Variants in IGFBP2 observed in about 807,000 individuals in gnomAD.
IGFBP2 encodes the protein insulin-like growth factor-binding protein 2.
IGFBP2 carries 12 observed loss-of-function variants against 26.2 expected under a neutral mutation model. That is an observed-to-expected ratio of 0.46 (90% CI 0.29 to 0.74). The LOEUF (loss-of-function observed/expected upper bound fraction) is 0.74, where lower values mean the gene tolerates loss of function less well. Ranked by LOEUF, IGFBP2 falls within the 30% of genes least tolerant of loss-of-function variation. IGFBP2 has a pLI of 0.09. For missense variants in IGFBP2, 328 were observed against 441.2 expected (o/e 0.74, Z 2.30); for synonymous variants, 189 against 200.6 (o/e 0.94, Z 0.49).
chr2:216,643,053 A>G (rs1268755589), intron 1 of IGFBP2, among the ~76,000 whole-genome samples: 3 of 152,188 alleles, frequency 2.0e-5, no homozygotes, highest in South Asian at 2.1e-4. Flanking sequence ...AGGGTGTGCA[A>G]TTGTGCAGTC....
intron 1 of IGFBP2, among the ~76,000 whole-genome samples, chr2:216,656,303 C>A (rs1350490747): frequency 6.6e-6 from 1 of 152,208 alleles, no homozygotes; most frequent in African/African-American, 2.4e-5. Flanking sequence ...AGGGAAGATC[C>A]TGTGCCCTGC....
intron 1 of IGFBP2, among the ~76,000 whole-genome samples, chr2:216,642,586 G>A (rs1038432966): frequency 1.3e-5 from 2 of 152,214 alleles, no homozygotes; most frequent in Non-Finnish European, 2.9e-5. Context: ...GATTGCAGGC[G>A]TGAGCTACCA....
chr2:216,636,921 A>AGGCGGGCGGGCG (rs1211039772), intron 1 of IGFBP2, among the ~76,000 whole-genome samples: 1 of 14,556 alleles, frequency 6.9e-5, no homozygotes, highest in Non-Finnish European at 1.5e-4. Context: ...ACAGGCAGGC[A>AGGCGGGCGGGCG]GGCAGGCGGG....
intron 1 of IGFBP2, among the ~76,000 whole-genome samples, chr2:216,658,454 C>G (rs945074346): frequency 6.6e-6 from 1 of 152,066 alleles, no homozygotes; most frequent in Admixed American, 6.6e-5. Flanking sequence ...CTGGGGCATT[C>G]GTCATTGTCA....
At chr2:216,661,038 T>G (rs1176175012) in intron 2 of IGFBP2, 3 of 533,922 alleles carry the variant, frequency 5.6e-6, no homozygotes, top group Non-Finnish European at 1.0e-5. Flanking sequence ...TGTATGGTTT[T>G]GGAACATAGA....
intron 1 of IGFBP2, among the ~76,000 whole-genome samples, chr2:216,635,058 A>G (rs1697468747): frequency 6.6e-6 from 1 of 151,682 alleles, no homozygotes; most frequent in Non-Finnish European, 1.5e-5. Context: ...AGAAAAAGTG[A>G]AAAGAAGAAT....
At chr2:216,633,415 G>A (rs867255742), upstream of IGFBP2, 44 of 175,108 alleles carry the variant, frequency 2.5e-4, no homozygotes, top group Middle Eastern at 0.023. Flanking sequence ...GCGGCGGCGA[G>A]GGAGGAGGAA....
At chr2:216,649,131 A>G (rs1412586339) in intron 1 of IGFBP2, among the ~76,000 whole-genome samples, 3 of 152,266 alleles carry the variant, frequency 2.0e-5, no homozygotes, top group African/African-American at 4.8e-5. Context: ...ATGCATATAT[A>G]TGATAGATGA....
chr2:216,641,884 G>A (rs1004091462), intron 1 of IGFBP2, among the ~76,000 whole-genome samples: 1 of 151,052 alleles, frequency 6.6e-6, no homozygotes, highest in African/African-American at 2.4e-5. Flanking sequence ...TAGAGACGGG[G>A]TTTCACAGTG....
intron 3 of IGFBP2, chr2:216,663,578 A>G (rs1688699907): frequency 4.9e-6 from 1 of 202,724 alleles, no homozygotes; most frequent in South Asian, 1.2e-4. Flanking sequence ...ACCTGACGCT[A>G]TGACTAAGCT....
At chr2:216,639,576 TG>T (rs1350759714) in intron 1 of IGFBP2, among the ~76,000 whole-genome samples, 10 of 151,808 alleles carry the variant, frequency 6.6e-5, no homozygotes, top group East Asian at 1.9e-4. Flanking sequence ...TTTTTTTGTT[TG>T]TTTTTTTGTT....
At chr2:216,642,771 G>C in intron 1 of IGFBP2, among the ~76,000 whole-genome samples, 1 of 152,156 alleles carries the variant, frequency 6.6e-6, no homozygotes, top group Non-Finnish European at 1.5e-5. Context: ...GGACATCTGG[G>C]TTCTCATGCT....
At chr2:216,653,695 A>G (rs954964836) in intron 1 of IGFBP2, among the ~76,000 whole-genome samples, 2 of 152,160 alleles carry the variant, frequency 1.3e-5, no homozygotes, top group African/African-American at 4.8e-5. Flanking sequence ...AAGGTGTGGC[A>G]GTCTACCCAA....
chr2:216,651,056 A>G (rs148651754), intron 1 of IGFBP2, among the ~76,000 whole-genome samples: 7 of 152,306 alleles, frequency 4.6e-5, no homozygotes, highest in Admixed American at 1.3e-4. Flanking sequence ...CACACTATTC[A>G]GAATTCCAGT....
chr2:216,633,052 G>C (rs912176164), upstream of IGFBP2: 9 of 152,192 alleles, frequency 5.9e-5, no homozygotes, highest in African/African-American at 2.2e-4. Context: ...GTTCCCCAGC[G>C]GTTAGCCCAG....
At position 216,660,688 on chromosome 2, in the gene IGFBP2, C is replaced by T. The variant is rs372470707; in HGVS notation, c.574C>T (p.Arg192Trp). 1.2e-5 allele frequency: 20 copies of T among 1,613,830 alleles called. No individual in the cohort carries two copies. Among genetic ancestry groups the T allele is most frequent in the African/African-American group, 2.7e-5 (2 of 74,892 alleles). Residue 192 changes from arginine (R) to tryptophan (W), a missense_variant, in exon 2 of 4, where the codon CGG becomes TGG. Coordinates refer to ENST00000233809, the MANE Select transcript of IGFBP2 (RefSeq NM_000597.3). ...KSGMKELAVF[R>W]EKVTEQHRQM... ...GGGTATGAAGGAGCTGGCCGTGTTC[C>T]GGGAGAAGGTCACTGAGCAGCACCG...
chr2:216,663,969 G>T lies in IGFBP2; in HGVS notation c.843G>T (p.Gly281=), dbSNP rs746412798. Residue 281 remains glycine, a synonymous_variant, in exon 4 of 4, where the codon GGG becomes GGT. Coordinates refer to ENST00000233809, the MANE Select transcript of IGFBP2 (RefSeq NM_000597.3). ...QCKMSLNGQR[G]ECWCVNPNTG... ...AGATGTCTCTGAACGGGCAGCGTGG[G>T]GAGTGCTGGTGTGTGAACCCCAACA... 6.2e-7 allele frequency: 1 copy of T among 1,614,162 alleles called. No individual in the cohort carries two copies. The highest frequency in any genetic ancestry group is 1.1e-5 in the South Asian group (1 of 91,070).
intron 1 of IGFBP2, among the ~76,000 whole-genome samples, chr2:216,647,687 T>A (rs1000076699): frequency 6.6e-6 from 1 of 151,734 alleles, no homozygotes; most frequent in African/African-American, 2.4e-5. Context: ...GCCTGGCTAA[T>A]TTTTTGTATT....
At chr2:216,661,700 C>G in intron 2 of IGFBP2, 158 bp from the exon 3 acceptor site, 1 of 813,516 alleles carries the variant, frequency 1.2e-6, no homozygotes, top group Non-Finnish European at 2.0e-6. Context: ...GGGAGATCCC[C>G]GGGCAGGCTG....
Sources: allele counts gnomAD v4.1 joint callset (sites outside exome capture counted in the v4.1 genomes callset), GRCh38; gene constraint gnomAD v4.1.1; transcripts MANE v1.5; gene names NCBI Gene and HGNC (gene_info 2026-07-23, HGNC 2026-07-21).